IGF2BP2: variants seen among roughly 807,000 people sequenced by gnomAD.
IGF2BP2 encodes insulin-like growth factor 2 mRNA-binding protein 2.
A neutral mutation model predicts 75.8 loss-of-function variants in IGF2BP2; 17 were observed. That is an observed-to-expected ratio of 0.22 (90% CI 0.15 to 0.34). IGF2BP2 has a LOEUF of 0.34. Among genes scored for constraint, IGF2BP2 ranks in the 10% least tolerant of loss-of-function variants. The probability of loss-of-function intolerance (pLI) is 1.00; values close to 1 mark genes in which losing one functional copy is unlikely to be tolerated. For missense variants in IGF2BP2, 516 were observed against 772.4 expected (o/e 0.67, Z 3.93); for synonymous variants, 288 against 295.6 (o/e 0.97, Z 0.26).
intron 2 of IGF2BP2, among the ~76,000 whole-genome samples, chr3:185,700,451 A>G (rs1723137197): frequency 6.6e-6 from 1 of 152,160 alleles, no homozygotes; most frequent in Non-Finnish European, 1.5e-5. Flanking sequence ...AAAAAGAATC[A>G]AGAACTAATT....
At chr3:185,730,095 A>G (rs1416972956) in intron 2 of IGF2BP2, among the ~76,000 whole-genome samples, 1 of 152,174 alleles carries the variant, frequency 6.6e-6, no homozygotes, top group Non-Finnish European at 1.5e-5. Context: ...CACTGTACAC[A>G]ATAGTTAATT....
In IGF2BP2 at chr3:185,809,044, G is replaced by A. The variant is rs187137120; in HGVS notation, c.239+14109C>T. Among the ~76,000 whole-genome samples, 3 of 151,756 alleles carry A rather than the reference G, an allele frequency of 2.0e-5. No individual in the cohort carries two copies. In the East Asian group the frequency reaches 5.8e-4, roughly 29 times the overall value. On this transcript the variant is annotated intron_variant, in intron 2 of 15. Transcript: ENST00000382199. Reference sequence around the variant, plus strand: ...TTATAAACAAACATATCTTAAATCCGATTCTTGTATCCACCTATTATATTG... The same window carrying A: ...TTATAAACAAACATATCTTAAATCCAATTCTTGTATCCACCTATTATATTG...
chr3:185,671,605 T>C (rs1718525750), intron 10 of IGF2BP2, among the ~76,000 whole-genome samples: 1 of 151,220 alleles, frequency 6.6e-6, no homozygotes, highest in African/African-American at 2.4e-5. Flanking sequence ...GAATGCAGAA[T>C]GTGTGCATAT....
chr3:185,777,951 G>A (rs1258601401), intron 2 of IGF2BP2, among the ~76,000 whole-genome samples: 1 of 152,068 alleles, frequency 6.6e-6, no homozygotes, highest in African/African-American at 2.4e-5. Flanking sequence ...GGCTGAGGCA[G>A]GAGAATCTCT....
At chr3:185,648,607 A>T (rs1045805799) in intron 14 of IGF2BP2, among the ~76,000 whole-genome samples, 1 of 152,166 alleles carries the variant, frequency 6.6e-6, no homozygotes, top group African/African-American at 2.4e-5. Context: ...GCAAGCCTGC[A>T]CTAGGCTCTA....
intron 2 of IGF2BP2, among the ~76,000 whole-genome samples, chr3:185,788,744 G>A (rs1430301198): frequency 8.4e-6 from 1 of 119,418 alleles, no homozygotes; most frequent in Non-Finnish European, 1.6e-5. Flanking sequence ...TTTTGATAGA[G>A]TCTCACTCTG....
intron 10 of IGF2BP2, among the ~76,000 whole-genome samples, chr3:185,668,378 A>G (rs1717969774): frequency 6.6e-6 from 1 of 151,780 alleles, no homozygotes; most frequent in East Asian, 1.9e-4. Flanking sequence ...TTAATGTGTA[A>G]ACATAACTAC....
intron 2 of IGF2BP2, among the ~76,000 whole-genome samples, chr3:185,732,132 CCCCGGGAACCCTGTATAT>C (rs1298571095): frequency 6.6e-6 from 1 of 152,158 alleles, no homozygotes; most frequent in African/African-American, 2.4e-5. Flanking sequence ...TCCTCTCTGC[CCCCGGGAACCCTGTATAT>C]CCCTTTTCTA....
chr3:185,697,455 C>T (rs1010212559), intron 3 of IGF2BP2, among the ~76,000 whole-genome samples: 5 of 151,382 alleles, frequency 3.3e-5, no homozygotes, highest in Admixed American at 6.6e-5. Context: ...TTAGATAAAA[C>T]ATTGTTTCCT....
Position 185,659,229 on chromosome 3 carries a change from G to GA in IGF2BP2, c.1201-821dup, listed in dbSNP as rs566827608. Among the ~76,000 whole-genome samples, 86 of 138,774 alleles carry GA rather than the reference G, an allele frequency of 6.2e-4. 2 individuals carry two copies. The South Asian group carries it at 7.9e-3, about 13-fold the overall frequency. 91.0% of individuals were successfully genotyped at this position (138,774 alleles called of 152,430 possible). A position where few individuals can be genotyped will look rare whatever the true frequency, so the allele number is the denominator to read the frequency against. ...ACAGAGCAAGGCCCTGTCTCCATAAGAAAAAAAAAAGAGAGAGAGTGACTG... is the reference window on the plus strand; with the variant it reads ...ACAGAGCAAGGCCCTGTCTCCATAAGAAAAAAAAAAAGAGAGAGAGTGACTG... On this transcript the variant is annotated intron_variant, in intron 10 of 15. Transcript: ENST00000382199.
At chr3:185,657,511 G>GC (rs1715646671) in intron 11 of IGF2BP2, 109 bp from the exon 12 acceptor site, 3 of 806,050 alleles carry the variant, frequency 3.7e-6, no homozygotes, top group Non-Finnish European at 6.0e-6. Flanking sequence ...GGAAGGCCCC[G>GC]CCACCCAAGG....
Position 185,675,924 on chromosome 3 carries a change from C to T in IGF2BP2, c.813-11G>A, listed in dbSNP as rs1230395872. 1.2e-6 allele frequency: 2 copies of T among 1,613,390 alleles called. No homozygotes were observed. Among genetic ancestry groups the T allele is most frequent in the East Asian group, 2.2e-5 (1 of 44,858 alleles). On this transcript the variant is annotated splice_polypyrimidine_tract_variant and intron_variant, in intron 7 of 15. Transcript: ENST00000382199. ...GGAATCTCTTCGGCTCTAAAAGAGACAAGCAGCAAGTTAACACTTCAGATA... is the reference window on the plus strand; with the variant it reads ...GGAATCTCTTCGGCTCTAAAAGAGATAAGCAGCAAGTTAACACTTCAGATA...
chr3:185,718,459 G>A (rs1681936706), intron 2 of IGF2BP2, among the ~76,000 whole-genome samples: 3 of 152,004 alleles, frequency 2.0e-5, no homozygotes, highest in Admixed American at 1.3e-4. Context: ...AGGCCGAGGC[G>A]GGCAGATCAC....
chr3:185,648,868 C>T (rs1449729533), intron 14 of IGF2BP2, among the ~76,000 whole-genome samples: 1 of 152,166 alleles, frequency 6.6e-6, no homozygotes, highest in Non-Finnish European at 1.5e-5. Flanking sequence ...TGGGAAACAG[C>T]CAGAAGATAG....
At chr3:185,757,178 T>C (rs965371238) in intron 2 of IGF2BP2, among the ~76,000 whole-genome samples, 40 of 152,210 alleles carry the variant, frequency 2.6e-4, no homozygotes, top group African/African-American at 9.7e-4. Context: ...ACTCTTCTCC[T>C]CTTCCTTGAA....
chr3:185,803,207 C>G (rs1024976267), intron 2 of IGF2BP2, among the ~76,000 whole-genome samples: 1 of 151,958 alleles, frequency 6.6e-6, no homozygotes, highest in African/African-American at 2.4e-5. Context: ...AAAAAGTAGC[C>G]GGGTGTGGTG....
intron 2 of IGF2BP2, among the ~76,000 whole-genome samples, chr3:185,786,773 A>ATT (rs201817805): frequency 2.6e-5 from 4 of 151,912 alleles, no homozygotes; most frequent in African/African-American, 9.7e-5. Context: ...CTACATATAC[A>ATT]TTTTTTTTCA....
chr3:185,665,326 GAGGAGGAGGAGGAGGAGA>G (rs1717216025), intron 10 of IGF2BP2, among the ~76,000 whole-genome samples: 1 of 95,168 alleles, frequency 1.1e-5, no homozygotes, highest in African/African-American at 5.0e-5. Context: ...GGAGAAGGAG[GAGGAGGAGGAGGAGGAGA>G]AGGAGGAGGA....
intron 8 of IGF2BP2, 37 bp downstream of exon 8, chr3:185,675,754 C>G: frequency 6.2e-7 from 1 of 1,605,740 alleles, no homozygotes; most frequent in Non-Finnish European, 8.5e-7. Flanking sequence ...TCAGGTGTTC[C>G]ATTATTGGGC....
Sources: gnomAD v4.1 joint callset for allele counts (sites outside exome capture counted in the v4.1 genomes callset) on GRCh38, gnomAD v4.1.1 for gene constraint, MANE v1.5 for transcripts, NCBI Gene and HGNC (gene_info 2026-07-23, HGNC 2026-07-21) for gene names.